The following CAMTA1 variants were observed in gnomAD, a reference collection of about 807,000 sequenced individuals.
CAMTA1 encodes the protein calmodulin binding transcription activator 1, also known as calmodulin-binding transcription activator 1.
Under a neutral mutation model 170.9 loss-of-function variants are expected in CAMTA1, and 27 were observed. The ratio of observed to expected loss-of-function variants is 0.16; its 90% CI spans 0.12 to 0.22. The LOEUF is 0.22. Ranked by LOEUF, CAMTA1 falls within the 10% of genes least tolerant of loss-of-function variation. The pLI is 1.00. For synonymous variants in CAMTA1, 833 were observed against 891.5 expected, an observed-to-expected ratio of 0.93 and a Z score of 1.17; for missense variants, 1,619 against 2,217.2, an observed-to-expected ratio of 0.73 and a Z score of 5.42.
At chr1:7,613,291 T>C (rs981275058) in intron 6 of CAMTA1, among the ~76,000 whole-genome samples, 2 of 152,132 alleles carry the variant, frequency 1.3e-5, no homozygotes, top group Non-Finnish European at 2.9e-5. Flanking sequence ...TTCATCTGCT[T>C]ACGTTTTCAA....
chr1:7,744,113 C>G (rs2096839060), intron 16 of CAMTA1, among the ~76,000 whole-genome samples: 1 of 141,054 alleles, frequency 7.1e-6, no homozygotes, highest in Non-Finnish European at 1.5e-5. Context: ...AGGCGTGAGC[C>G]ACTGCGCCTG....
intron 5 of CAMTA1, among the ~76,000 whole-genome samples, chr1:7,423,199 G>T (rs1450041754): frequency 6.6e-6 from 1 of 152,192 alleles, no homozygotes; most frequent in Non-Finnish European, 1.5e-5. Context: ...GGCCAGGCGT[G>T]GTGGCTCAGG....
At chr1:7,645,275 C>T (rs2095795107) in intron 7 of CAMTA1, among the ~76,000 whole-genome samples, 1 of 152,210 alleles carries the variant, frequency 6.6e-6, no homozygotes, top group Non-Finnish European at 1.5e-5. Flanking sequence ...AACTGCCATG[C>T]CCCAAACCTT....
chr1:6,857,434 A>G (rs1423489114), intron 3 of CAMTA1, among the ~76,000 whole-genome samples: 2 of 152,252 alleles, frequency 1.3e-5, no homozygotes, highest in Non-Finnish European at 2.9e-5. Flanking sequence ...TTGGATTTGC[A>G]GATGAAGAAG....
intron 3 of CAMTA1, among the ~76,000 whole-genome samples, chr1:7,037,411 C>T (rs949745921): frequency 4.6e-5 from 7 of 152,188 alleles, no homozygotes; most frequent in Non-Finnish European, 1.0e-4. Context: ...TTTCCCTGTG[C>T]TCCGGCTGGA....
intron 4 of CAMTA1, among the ~76,000 whole-genome samples, chr1:7,104,409 A>G (rs1191034519): frequency 6.6e-6 from 1 of 151,982 alleles, no homozygotes; most frequent in Non-Finnish European, 1.5e-5. Flanking sequence ...TGTGTTGGTC[A>G]CTGTTCTCTT....
At chr1:7,019,288 A>G (rs1376761708) in intron 3 of CAMTA1, among the ~76,000 whole-genome samples, 1 of 152,148 alleles carries the variant, frequency 6.6e-6, no homozygotes, top group Non-Finnish European at 1.5e-5. Context: ...AACAGTTTCC[A>G]TAAGGTTGTG....
Position 7,637,601 on chromosome 1 carries a change from G to T in CAMTA1, c.511-2799G>T, listed in dbSNP as rs527746734. On this transcript the variant is annotated intron_variant, in intron 6 of 22. Coordinates refer to ENST00000303635, the MANE Select transcript of CAMTA1 (RefSeq NM_015215.4). The stretch of plus-strand genomic sequence containing the variant: ...CTCTTGGGCATACTGCAAGAATGAA[G>T]TGAAATGGAGATGAGACAGTACTTA... Among the ~76,000 whole-genome samples, 10 of 152,356 alleles carry T rather than the reference G, an allele frequency of 6.6e-5. No individual in the cohort carries two copies. In the East Asian group the frequency reaches 1.9e-3, roughly 29 times the overall value.
chr1:7,531,170 A>T (rs2094488583), intron 6 of CAMTA1, among the ~76,000 whole-genome samples: 1 of 137,740 alleles, frequency 7.3e-6, no homozygotes, highest in African/African-American at 2.6e-5. Context: ...GGAAGCATGG[A>T]TGGGAGGGAG....
intron 3 of CAMTA1, among the ~76,000 whole-genome samples, chr1:6,964,360 C>T (rs1050401230): frequency 1.3e-5 from 2 of 151,714 alleles, no homozygotes; most frequent in Non-Finnish European, 1.5e-5. Context: ...GAGGGCGCAG[C>T]GTCCTGGCTG....
At chr1:7,120,292 T>C (rs192074131) in intron 4 of CAMTA1, among the ~76,000 whole-genome samples, 45 of 152,344 alleles carry the variant, frequency 3.0e-4, no homozygotes, top group African/African-American at 1.1e-3. Flanking sequence ...AAAGTGTCAG[T>C]TGAGGCTACG....
At chr1:7,472,841 C>T (rs1343338883) in intron 6 of CAMTA1, among the ~76,000 whole-genome samples, 2 of 152,196 alleles carry the variant, frequency 1.3e-5, no homozygotes, top group African/African-American at 4.8e-5. Flanking sequence ...GTGGCTGGTG[C>T]TGCTGAGTGG....
intron 3 of CAMTA1, among the ~76,000 whole-genome samples, chr1:6,977,591 C>T (rs1008574576): frequency 2.0e-5 from 3 of 152,200 alleles, no homozygotes; most frequent in Admixed American, 6.5e-5. Context: ...CCACTCGCCT[C>T]GGCCTCCCAA....
At chr1:7,241,782 C>T (rs569599735) in intron 4 of CAMTA1, among the ~76,000 whole-genome samples, 12 of 152,272 alleles carry the variant, frequency 7.9e-5, no homozygotes, top group African/African-American at 2.9e-4. Flanking sequence ...CTTTATCTCA[C>T]ACCATATGCA....
chr1:6,841,164 C>T (rs1051002888), intron 3 of CAMTA1, among the ~76,000 whole-genome samples: 5 of 152,242 alleles, frequency 3.3e-5, no homozygotes, highest in Non-Finnish European at 7.3e-5. Flanking sequence ...TTCACTCACC[C>T]TGACCTCTTC....
rs961426426 is a variant in CAMTA1 at position 7,389,088 on chromosome 1, G to A, written c.439-78742G>A. On this transcript the variant is annotated intron_variant, in intron 5 of 22. Transcript: ENST00000303635. ...GGAGTCTGGCTCTGTGCCTGTCCCC[G>A]GCTGCCTGGCTCTGACTGTCAGAGT... is the stretch of plus-strand genomic sequence containing the variant. 7.9e-5 allele frequency among the ~76,000 whole-genome samples: 12 copies of A among 152,262 alleles called. No homozygotes were observed. In the East Asian group the frequency reaches 1.4e-3, roughly 17 times the overall value.
chr1:7,615,119 T>C (rs1422657238), intron 6 of CAMTA1, among the ~76,000 whole-genome samples: 1 of 152,234 alleles, frequency 6.6e-6, no homozygotes, highest in African/African-American at 2.4e-5. Context: ...GTTGCACGAA[T>C]GCCCTGGCCA....
chr1:7,081,546 A>G (rs149130846), intron 3 of CAMTA1, among the ~76,000 whole-genome samples: 28 of 152,274 alleles, frequency 1.8e-4, no homozygotes, highest in African/African-American at 6.5e-4. Flanking sequence ...TTTAAAATCT[A>G]TTTCTTTCTG....
rs191935664 is a variant in CAMTA1 at position 7,530,654 on chromosome 1, A to G, written c.510+62753A>G. On this transcript the variant is annotated intron_variant, in intron 6 of 22. Transcript: ENST00000303635. ...GATCTATCTGAGTCAAGTCTCTGCCACTTTGAAGCTGCATATGGAGCACAC... is the reference window on the plus strand; with the variant it reads ...GATCTATCTGAGTCAAGTCTCTGCCGCTTTGAAGCTGCATATGGAGCACAC... Among the ~76,000 whole-genome samples, 8 of 152,250 alleles carry G rather than the reference A, an allele frequency of 5.3e-5. No individual in the cohort carries two copies. In the East Asian group the frequency reaches 1.5e-3, roughly 29 times the overall value.
Sources: allele counts gnomAD v4.1 joint callset (sites outside exome capture counted in the v4.1 genomes callset), GRCh38; gene constraint gnomAD v4.1.1; transcripts MANE v1.5; gene names NCBI Gene and HGNC (gene_info 2026-07-23, HGNC 2026-07-21).